SPAG9: variants seen among roughly 807,000 people sequenced by gnomAD.
The protein encoded by SPAG9 is sperm associated antigen 9.
SPAG9 carries 35 observed loss-of-function variants against 166.5 expected under a neutral mutation model. The observed-to-expected ratio is 0.21, with a 90% confidence interval of 0.16 to 0.28. SPAG9 has a LOEUF of 0.28. Among genes scored for constraint, SPAG9 ranks in the 10% least tolerant of loss-of-function variants. SPAG9 has a pLI of 1.00. For synonymous variants in SPAG9, 534 were observed against 565.5 expected, an observed-to-expected ratio of 0.94 and a Z score of 0.79; for missense variants, 1,235 against 1,603.3, an observed-to-expected ratio of 0.77 and a Z score of 3.92.
intron 6 of SPAG9, among the ~76,000 whole-genome samples, chr17:51,027,372 T>C (rs1013763766): frequency 6.6e-5 from 10 of 151,420 alleles, no homozygotes; most frequent in African/African-American, 2.4e-4. Context: ...GGGGAAGAGG[T>C]TGCAGTGAGC....
At chr17:50,968,046 C>CA (rs775399804) in intron 29 of SPAG9, among the ~76,000 whole-genome samples, 3 of 152,306 alleles carry the variant, frequency 2.0e-5, no homozygotes, top group Non-Finnish European at 1.5e-5. Flanking sequence ...CACTCCAACA[C>CA]AAAGTTACAA....
At chr17:51,072,384 T>TA (rs1169584730) in intron 2 of SPAG9, among the ~76,000 whole-genome samples, 2 of 145,784 alleles carry the variant, frequency 1.4e-5, no homozygotes, top group African/African-American at 5.1e-5. Context: ...ATATTTTATT[T>TA]AAAAAACAAA....
chr17:51,032,444 A>G lies in SPAG9; in HGVS notation c.742-722T>C, dbSNP rs534592451. 5.3e-5 allele frequency among the ~76,000 whole-genome samples: 8 copies of G among 152,272 alleles called. No individual in the cohort carries two copies. In the East Asian group the frequency reaches 1.5e-3, roughly 29 times the overall value. On this transcript the variant is annotated intron_variant, in intron 5 of 29. Transcript: ENST00000262013. ...CTCCCAAAGTGCTGGGATTACAGGC[A>G]TGAGCCATGTGCCCAGTCCCAAATC...
intron 1 of SPAG9, among the ~76,000 whole-genome samples, chr17:51,096,006 G>GATATATATATATAGTTAT (rs2048630202): frequency 1.1e-5 from 1 of 88,576 alleles, no homozygotes; most frequent in Non-Finnish European, 2.2e-5. Context: ...TATATATAGT[G>GATATATATATATAGTTAT]ATATATATAT....
chr17:51,077,139 T>C (rs2048040185), intron 2 of SPAG9, among the ~76,000 whole-genome samples: 1 of 152,088 alleles, frequency 6.6e-6, no homozygotes, highest in Admixed American at 6.5e-5. Context: ...TCTATCTATT[T>C]CTTTGAGACA....
At chr17:51,075,195 CA>C (rs57533555) in intron 2 of SPAG9, among the ~76,000 whole-genome samples, 831 of 28,956 alleles carry the variant, frequency 0.029, 2 homozygotes, top group African/African-American at 0.095. Flanking sequence ...GACTCCATCT[CA>C]AAAAAAAAAA....
Position 50,970,704 on chromosome 17 carries a change from T to A in SPAG9, c.3850+3A>T. 6.2e-7 allele frequency: 1 copy of A among 1,608,864 alleles called. No homozygotes were observed. Among genetic ancestry groups the A allele is most frequent in the Non-Finnish European group, 8.5e-7 (1 of 1,177,068 alleles). On this transcript the variant is annotated splice_donor_region_variant and intron_variant, in intron 29 of 29. Transcript: ENST00000262013. ...AACTGAGCACCCAGAACCAATGACA[T>A]ACCCATTCGGAAGTCGATGTAGCCC... is the stretch of plus-strand genomic sequence containing the variant.
intron 28 of SPAG9, among the ~76,000 whole-genome samples, chr17:50,971,303 T>C (rs895642535): frequency 3.2e-5 from 4 of 125,496 alleles, no homozygotes; most frequent in African/African-American, 1.0e-4. Context: ...AAGACCTTGC[T>C]TCTAAAAAAC....
intron 4 of SPAG9, among the ~76,000 whole-genome samples, chr17:51,043,232 A>T (rs1393005767): frequency 6.6e-6 from 1 of 152,164 alleles, no homozygotes; most frequent in Non-Finnish European, 1.5e-5. Context: ...TGCGACTATG[A>T]GCTGCCGGGA....
chr17:51,030,252 A>G (rs1326378328), intron 6 of SPAG9, among the ~76,000 whole-genome samples: 2 of 152,188 alleles, frequency 1.3e-5, no homozygotes, highest in South Asian at 2.1e-4. Context: ...GAGAAAATGA[A>G]TTATCCCATT....
At chr17:51,059,349 C>T (rs2047441819) in intron 2 of SPAG9, among the ~76,000 whole-genome samples, 1 of 152,026 alleles carries the variant, frequency 6.6e-6, no homozygotes, top group Non-Finnish European at 1.5e-5. Flanking sequence ...CCTACAATGG[C>T]TATGAGTTCA....
intron 9 of SPAG9, among the ~76,000 whole-genome samples, chr17:51,010,062 TAAA>T: frequency 6.8e-6 from 1 of 146,612 alleles, no homozygotes; most frequent in South Asian, 2.2e-4. Flanking sequence ...ACAAGCAAAA[TAAA>T]AAAAAAACTG....
At chr17:51,068,253 CA>C (rs1331697365) in intron 2 of SPAG9, among the ~76,000 whole-genome samples, 2 of 152,128 alleles carry the variant, frequency 1.3e-5, no homozygotes, top group Non-Finnish European at 2.9e-5. Flanking sequence ...ACAACCACAT[CA>C]AAACAGTAAT....
At chr17:51,028,207 A>G (rs1027794774) in intron 6 of SPAG9, among the ~76,000 whole-genome samples, 17 of 152,180 alleles carry the variant, frequency 1.1e-4, no homozygotes, top group African/African-American at 4.1e-4. Flanking sequence ...AAAAAAATTT[A>G]AAGTTTATAA....
Position 51,041,496 on chromosome 17 carries a change from C to G in SPAG9, c.741+5G>C, listed in dbSNP as rs375686783. The G allele has an allele frequency of 3.9e-5, 63 of 1,611,586 alleles. No homozygotes were observed. The highest frequency in any genetic ancestry group is 5.1e-5 in the Non-Finnish European group (60 of 1,179,044). ...CTGACACAATTTCAGCAGCATAAAG[C>G]TTACCTTCAGGCTGGTATGAGAACG... On this transcript the variant is annotated splice_donor_5th_base_variant and intron_variant, in intron 5 of 29. Transcript: ENST00000262013.
intron 1 of SPAG9, among the ~76,000 whole-genome samples, chr17:51,104,655 C>T (rs1435380542): frequency 6.6e-6 from 1 of 151,618 alleles, no homozygotes; most frequent in East Asian, 1.9e-4. Context: ...ATAAATAGGC[C>T]GGGTGCGGTG....
chr17:50,970,998 G>C, intron 28 of SPAG9, 142 bp from the exon 29 acceptor site: 1 of 687,746 alleles, frequency 1.5e-6, no homozygotes, highest in Non-Finnish European at 2.4e-6. Flanking sequence ...AGAAGGCTCT[G>C]CATGATCAGA....
intron 28 of SPAG9, among the ~76,000 whole-genome samples, chr17:50,973,057 C>T (rs1046337423): frequency 6.6e-6 from 1 of 152,136 alleles, no homozygotes; most frequent in African/African-American, 2.4e-5. Flanking sequence ...TAAAATGTAG[C>T]ACTTTTATTC....
intron 1 of SPAG9, among the ~76,000 whole-genome samples, chr17:51,095,805 T>C (rs560659171): frequency 7.1e-6 from 1 of 140,836 alleles, no homozygotes; most frequent in African/African-American, 2.5e-5. Flanking sequence ...TAGTGATATA[T>C]AGTGAGATAT....
Sources: allele counts gnomAD v4.1 joint callset (sites outside exome capture counted in the v4.1 genomes callset), GRCh38; gene constraint gnomAD v4.1.1; transcripts MANE v1.5; gene names NCBI Gene and HGNC (gene_info 2026-07-23, HGNC 2026-07-21).